Variants in RBM47 observed in about 807,000 individuals in gnomAD.
RBM47 encodes the protein RNA-binding protein 47.
In RBM47, 21 loss-of-function variants were observed where a neutral mutation model predicts 47.1. That is an observed-to-expected ratio of 0.45 (90% confidence interval 0.32 to 0.64). RBM47 has a LOEUF of 0.64. Ranked by LOEUF, RBM47 falls within the 30% of genes least tolerant of loss-of-function variation. The pLI is 0.05. For missense variants in RBM47, 708 were observed against 870.9 expected (o/e 0.81, Z 2.35); for synonymous variants, 375 against 361.7 (o/e 1.04, Z -0.42).
rs903550738 is a variant in RBM47 at position 40,438,814 on chromosome 4, G to A, written c.80C>T (p.Ala27Val). Residue 27 changes from alanine (A) to valine (V), a missense_variant, in exon 4 of 7, where the codon GCG becomes GTG. Coordinates refer to ENST00000295971, the MANE Select transcript of RBM47 (RefSeq NM_001098634.2). ...GSSAKVPEGV[A>V]GAPNEAALLA... ...CAGTGCTGCCTCGTTGGGCGCGCCC[G>A]CCACGCCCTCGGGCACCTTGGCGGA... 2 of 1,555,084 alleles carry A rather than the reference G, an allele frequency of 1.3e-6. No homozygotes were observed. Among genetic ancestry groups the A allele is most frequent in the African/African-American group, 1.3e-5 (1 of 74,196 alleles).
chr4:40,479,010 C>T (rs1566666), intron 2 of RBM47, among the ~76,000 whole-genome samples: 3,278 of 152,264 alleles, frequency 0.022, 78 homozygotes, highest in African/African-American at 0.057. Flanking sequence ...GTAGCCTTCA[C>T]CTGAAAAGGT....
intron 2 of RBM47, chr4:40,491,784 C>T (rs1721901341): frequency 9.5e-6 from 2 of 209,974 alleles, no homozygotes; most frequent in South Asian, 9.2e-5. Flanking sequence ...AAGATGCACA[C>T]GATGTGCCAC....
At chr4:40,467,011 CACATA>C (rs1230876249) in intron 2 of RBM47, among the ~76,000 whole-genome samples, 1 of 152,070 alleles carries the variant, frequency 6.6e-6, no homozygotes, top group Non-Finnish European at 1.5e-5. Context: ...CTTCAAGATG[CACATA>C]ATGTTTAAGA....
intron 1 of RBM47, among the ~76,000 whole-genome samples, chr4:40,545,405 T>C (rs1728937015): frequency 6.9e-6 from 1 of 145,068 alleles, no homozygotes; most frequent in African/African-American, 2.5e-5. Context: ...GGCTCACACC[T>C]GTAATCCCAG....
At position 40,499,047 on chromosome 4, in the gene RBM47, A is replaced by AAAAT. The variant is rs563213348; in HGVS notation, c.-154-32352_-154-32349dup. 3.0e-3 allele frequency among the ~76,000 whole-genome samples: 459 copies of AAAAT among 152,298 alleles called. 2 individuals carry two copies. Among genetic ancestry groups the AAAAT allele is most frequent in the Middle Eastern group, 0.017 (5 of 294 alleles). Reference sequence around the variant, plus strand: ...GCAACAAGAGTGAAACTCCAACTCAAAAATAAATAAATAAATAAAAGAAGA... The same window carrying AAAAT: ...GCAACAAGAGTGAAACTCCAACTCAAAAATAAATAAATAAATAAATAAAAGAAGA... On this transcript the variant is annotated intron_variant, in intron 2 of 6. Transcript: ENST00000295971.
intron 1 of RBM47, among the ~76,000 whole-genome samples, chr4:40,624,724 G>A (rs945810873): frequency 6.6e-6 from 1 of 152,164 alleles, no homozygotes; most frequent in African/African-American, 2.4e-5. Context: ...AGGCAACTTT[G>A]TCTTGAGAAG....
chr4:40,580,695 A>G (rs1040436814), intron 1 of RBM47, among the ~76,000 whole-genome samples: 1 of 152,194 alleles, frequency 6.6e-6, no homozygotes, highest in African/African-American at 2.4e-5. Flanking sequence ...GCTCTCACAC[A>G]TATTGAGGAA....
chr4:40,436,564 C>G lies in RBM47; in HGVS notation c.1207G>C (p.Ala403Pro). Residue 403 changes from alanine to proline, a missense_variant, in exon 5 of 7, where the codon GCT (alanine) becomes CCT (proline). Coordinates refer to ENST00000295971, the MANE Select transcript of RBM47 (RefSeq NM_001098634.2). ...PRGSYLGGYS[A>P]GRGIYSRYHE... The stretch of plus-strand genomic sequence containing the variant: ...TATCGGCTATATATACCACGACCAG[C>G]AGAATATCCCCCGAGGTAGGAACCC... 1 of 1,614,204 alleles carries G rather than the reference C, an allele frequency of 6.2e-7. No homozygotes were observed. Among genetic ancestry groups the G allele is most frequent in the Non-Finnish European group, 8.5e-7 (1 of 1,180,036 alleles).
intron 2 of RBM47, among the ~76,000 whole-genome samples, chr4:40,520,085 G>T (rs1726050869): frequency 6.6e-6 from 1 of 151,614 alleles, no homozygotes; most frequent in South Asian, 2.1e-4. Context: ...CAAAAAATAT[G>T]GCTTCTCCCA....
At chr4:40,488,053 G>T (rs1483860879) in intron 2 of RBM47, among the ~76,000 whole-genome samples, 2 of 152,242 alleles carry the variant, frequency 1.3e-5, no homozygotes, top group East Asian at 3.9e-4. Flanking sequence ...TGGGCACGGT[G>T]GCTCACACCT....
In RBM47 at chr4:40,508,817, G is replaced by C. The variant is rs185322439; in HGVS notation, c.-155+35605C>G. On this transcript the variant is annotated intron_variant, in intron 2 of 6. Coordinates refer to ENST00000295971, the MANE Select transcript of RBM47 (RefSeq NM_001098634.2). Reference sequence around the variant, plus strand: ...AATTCATCAAGCTGTGTACCTAACAGTCGTGCAGTTTACTGCCTTTATGTT... The same window carrying C: ...AATTCATCAAGCTGTGTACCTAACACTCGTGCAGTTTACTGCCTTTATGTT... Among the ~76,000 whole-genome samples the C allele has an allele frequency of 1.5e-3, 234 of 152,334 alleles. 3 individuals are homozygous for C. The highest frequency in any genetic ancestry group is 5.1e-3 in the African/African-American group (212 of 41,578).
At chr4:40,502,761 A>G (rs1248266038) in intron 2 of RBM47, among the ~76,000 whole-genome samples, 1 of 151,962 alleles carries the variant, frequency 6.6e-6, no homozygotes, top group Non-Finnish European at 1.5e-5. Context: ...CAGGAAGATC[A>G]CTTGAGCCCA....
intron 1 of RBM47, among the ~76,000 whole-genome samples, chr4:40,621,980 G>A (rs1389928639): frequency 6.6e-6 from 1 of 152,218 alleles, no homozygotes. Context: ...GAAAACCCAT[G>A]CTCATTCAGA....
At position 40,437,970 on chromosome 4, in the gene RBM47, G is replaced by C. The variant is rs778218482; in HGVS notation, c.924C>G (p.Gly308=). The C allele has an allele frequency of 6.2e-7, 1 of 1,613,456 alleles. No individual in the cohort carries two copies. Among genetic ancestry groups the C allele is most frequent in the Non-Finnish European group, 8.5e-7 (1 of 1,179,930 alleles). The change falls in exon 4 of 7, where the codon GGC becomes GGG. Residue 308 remains glycine, a synonymous_variant. Coordinates refer to ENST00000295971, the MANE Select transcript of RBM47 (RefSeq NM_001098634.2). ...MNNLNGTELE[G]SCLEVTLAKP... ...TGGCCAGCGTGACCTCCAGGCACGA[G>C]CCCTCCAGCTCAGTGCCGTTGAGGT...
Position 40,437,090 on chromosome 4 carries a change from A to AAAAAAAAATAT in RBM47, c.1124-444_1124-443insATATTTTTTTT, listed in dbSNP as rs1256296949. 8.0e-5 allele frequency among the ~76,000 whole-genome samples: 4 copies of AAAAAAAAATAT among 49,802 alleles called. No individual in the cohort carries two copies. In the South Asian group the frequency reaches 2.1e-3, roughly 27 times the overall value. 32.7% of individuals were successfully genotyped at this position (49,802 alleles called of 152,430 possible). A position where few individuals can be genotyped will look rare whatever the true frequency, so the allele number is the denominator to read the frequency against. On this transcript the variant is annotated intron_variant, in intron 4 of 6. Coordinates refer to ENST00000295971, the MANE Select transcript of RBM47 (RefSeq NM_001098634.2). ...CCCTGTCTCAAAAAAAAAAAAAAAA[A>AAAAAAAAATAT]ATATATATATATATATATATAAAAT... is the stretch of plus-strand genomic sequence containing the variant.
Position 40,438,555 on chromosome 4 carries a change from G to A in RBM47, c.339C>T (p.Tyr113=), listed in dbSNP as rs749097398. 3.1e-6 allele frequency: 5 copies of A among 1,613,922 alleles called. No homozygotes were observed. Among genetic ancestry groups the A allele is most frequent in the Middle Eastern group, 1.7e-4 (1 of 6,060 alleles). Residue 113 remains tyrosine (Y), a synonymous_variant, in exon 4 of 7, where the codon TAC becomes TAT. Coordinates refer to ENST00000295971, the MANE Select transcript of RBM47 (RefSeq NM_001098634.2). The part of the protein sequence containing the change: ...MMDFDGKNRG[Y]AFVMYCHKHE... ...GCTTGTGGCAGTACATGACGAAGGC[G>A]TAGCCGCGGTTCTTGCCGTCAAAGT... is the stretch of plus-strand genomic sequence containing the variant.
chr4:40,588,489 G>A (rs1733807003), intron 1 of RBM47, among the ~76,000 whole-genome samples: 1 of 152,180 alleles, frequency 6.6e-6, no homozygotes, highest in African/African-American at 2.4e-5. Flanking sequence ...AGCAAGCTAT[G>A]TTACTCTCTT....
At chr4:40,567,987 C>T (rs1277870084) in intron 1 of RBM47, among the ~76,000 whole-genome samples, 1 of 151,834 alleles carries the variant, frequency 6.6e-6, no homozygotes, top group Non-Finnish European at 1.5e-5. Flanking sequence ...CTAAGAATCC[C>T]AACAATATTC....
At chr4:40,442,016 T>C (rs1713730354) in intron 3 of RBM47, among the ~76,000 whole-genome samples, 1 of 152,186 alleles carries the variant, frequency 6.6e-6, no homozygotes, top group Non-Finnish European at 1.5e-5. Flanking sequence ...TTTTAGTAAC[T>C]GTAGGGGACA....
Sources: gnomAD v4.1 joint callset for allele counts (sites outside exome capture counted in the v4.1 genomes callset) on GRCh38, gnomAD v4.1.1 for gene constraint, MANE v1.5 for transcripts, NCBI Gene and HGNC (gene_info 2026-07-23, HGNC 2026-07-21) for gene names.